The following MAGOH variants were observed in gnomAD, a reference collection of about 807,000 sequenced individuals.
MAGOH encodes the protein protein mago nashi homolog.
Under a neutral mutation model 20.9 loss-of-function variants are expected in MAGOH, and 3 were observed. That is an observed-to-expected ratio of 0.14 (90% CI 0.07 to 0.37). The LOEUF is 0.37. MAGOH is among the 10% of genes least tolerant of loss of function. MAGOH has a pLI of 1.00. For synonymous variants in MAGOH, 51 were observed against 61.0 expected, an observed-to-expected ratio of 0.84 and a Z score of 0.76; for missense variants, 66 against 178.1, an observed-to-expected ratio of 0.37 and a Z score of 3.58.
chr1:53,237,778 G>T (rs1257180788), intron 1 of MAGOH, among the ~76,000 whole-genome samples: 2 of 149,648 alleles, frequency 1.3e-5, no homozygotes, highest in African/African-American at 2.5e-5. Context: ...ATCATCTCCT[G>T]CTATCTCCCA....
At chr1:53,232,551 T>C (rs76569730) in intron 3 of MAGOH, among the ~76,000 whole-genome samples, 19,932 of 152,270 alleles carry the variant, frequency 0.13, 1,490 homozygotes, top group South Asian at 0.22. Context: ...GAAGTGACTT[T>C]TGAAGACCTC....
intron 3 of MAGOH, among the ~76,000 whole-genome samples, chr1:53,232,219 A>T (rs1000467881): frequency 1.3e-5 from 2 of 152,218 alleles, no homozygotes; most frequent in African/African-American, 4.8e-5. Context: ...TTTTAAAAAA[A>T]ACTCTTCAAG....
In MAGOH at chr1:53,235,476, GTTCT is replaced by G. The variant is rs1489718317; in HGVS notation, c.147+97_147+100del. 8 of 994,558 alleles carry G rather than the reference GTTCT, an allele frequency of 8.0e-6. No individual in the cohort carries two copies. The African/African-American group carries it at 1.1e-4, about 14-fold the overall frequency. The allele number at this position is 994,558 out of a possible 1,614,324, so 61.6% of individuals were successfully genotyped here. ...TCTACAGACATGTGTCTCTCTCCCT[GTTCT>G]TTATCTTTCAATACTACTAGAAACA... is the stretch of plus-strand genomic sequence containing the variant. On this transcript the variant is annotated intron_variant, in intron 2 of 4. Transcript: ENST00000371470.
At chr1:53,235,504 C>A in intron 2 of MAGOH, 73 bp downstream of exon 2, 1 of 1,284,898 alleles carries the variant, frequency 7.8e-7, no homozygotes, top group Non-Finnish European at 1.1e-6. Context: ...CTACTAGAAA[C>A]AATAAAAACA....
chr1:53,238,034 C>CT (rs1406871278), intron 1 of MAGOH, among the ~76,000 whole-genome samples: 4 of 152,210 alleles, frequency 2.6e-5, no homozygotes, highest in African/African-American at 9.6e-5. Flanking sequence ...TGACCACTCA[C>CT]TGCTATCTGG....
intron 2 of MAGOH, 33 bp from the exon 3 acceptor site, chr1:53,233,685 G>C: frequency 7.3e-7 from 1 of 1,369,982 alleles, no homozygotes; most frequent in South Asian, 1.2e-5. Context: ...AATGTATGTT[G>C]TATCCTTAAG....
chr1:53,237,441 G>A (rs1645617662), intron 1 of MAGOH, among the ~76,000 whole-genome samples: 1 of 150,522 alleles, frequency 6.6e-6, no homozygotes, highest in Non-Finnish European at 1.5e-5. Context: ...TTGGGACGCC[G>A]AGGCGGGCGT....
At position 53,227,858 on chromosome 1, in the gene MAGOH, T is replaced by A. The variant is rs74858199; in HGVS notation, c.342-714A>T. On this transcript the variant is annotated intron_variant, in intron 4 of 4. Coordinates refer to ENST00000371470, the MANE Select transcript of MAGOH (RefSeq NM_002370.4). ...CCGGCCCGAGTTAGGAAAACTTTTTTAAAAAGTAGTAGTACTAAGCAGGAC... is the reference window on the plus strand; with the variant it reads ...CCGGCCCGAGTTAGGAAAACTTTTTAAAAAAGTAGTAGTACTAAGCAGGAC... Among the ~76,000 whole-genome samples, 432 of 152,146 alleles carry A rather than the reference T, an allele frequency of 2.8e-3. 1 individual carries two copies. The highest frequency in any genetic ancestry group is 9.9e-3 in the African/African-American group (413 of 41,510).
At chr1:53,234,500 A>G (rs923942762) in intron 2 of MAGOH, among the ~76,000 whole-genome samples, 3 of 151,324 alleles carry the variant, frequency 2.0e-5, no homozygotes, top group Non-Finnish European at 2.9e-5. Context: ...CAGCCTCCTA[A>G]GTAGCTGGGA....
chr1:53,234,858 T>C (rs1326704102), intron 2 of MAGOH, among the ~76,000 whole-genome samples: 1 of 152,048 alleles, frequency 6.6e-6, no homozygotes, highest in Admixed American at 6.5e-5. Context: ...AAGGAAAGAG[T>C]AGCTTTGATG....
chr1:53,229,356 G>A (rs1314928282), intron 3 of MAGOH, among the ~76,000 whole-genome samples: 4 of 151,964 alleles, frequency 2.6e-5, no homozygotes, highest in African/African-American at 4.8e-5. Flanking sequence ...CCGCCACCAC[G>A]CCCGGCTAAT....
At chr1:53,235,459 C>T (rs1352134200) in intron 2 of MAGOH, 118 bp downstream of exon 2, 3 of 826,298 alleles carry the variant, frequency 3.6e-6, no homozygotes, top group Non-Finnish European at 6.0e-6. Flanking sequence ...TGTCTACAGA[C>T]ATGTGTCTCT....
Position 53,227,036 on chromosome 1 carries a change from A to G in MAGOH, c.*9T>C, listed in dbSNP as rs750545788. On this transcript the variant is annotated 3_prime_UTR_variant, in exon 5 of 5. Coordinates refer to ENST00000371470, the MANE Select transcript of MAGOH (RefSeq NM_002370.4). ...CCACCCACCCCCCATGTCCACACCAATATTCAGTCTAGATTGGTTTAATCT... is the reference window on the plus strand; with the variant it reads ...CCACCCACCCCCCATGTCCACACCAGTATTCAGTCTAGATTGGTTTAATCT... 11 of 1,404,550 alleles carry G rather than the reference A, an allele frequency of 7.8e-6. No homozygotes were observed. The South Asian group carries it at 1.4e-4, about 18-fold the overall frequency. 87.0% of individuals were successfully genotyped at this position (1,404,550 alleles called of 1,614,324 possible). A position where few individuals can be genotyped will look rare whatever the true frequency, so the allele number is the denominator to read the frequency against.
intron 2 of MAGOH, among the ~76,000 whole-genome samples, chr1:53,234,213 C>T (rs974627326): frequency 6.6e-6 from 1 of 152,160 alleles, no homozygotes; most frequent in African/African-American, 2.4e-5. Flanking sequence ...GAAGCAGAGA[C>T]TGGGCCCTCA....
intron 3 of MAGOH, among the ~76,000 whole-genome samples, chr1:53,229,257 G>A (rs1343821662): frequency 6.6e-6 from 1 of 150,666 alleles, no homozygotes; most frequent in Non-Finnish European, 1.5e-5. Context: ...GGAGTGCACT[G>A]GCATGATCTC....
intron 4 of MAGOH, among the ~76,000 whole-genome samples, chr1:53,228,044 T>C (rs539180891): frequency 1.3e-5 from 2 of 152,184 alleles, no homozygotes; most frequent in South Asian, 2.1e-4. Context: ...TTGTAGCACA[T>C]AGGTTCATGC....
chr1:53,230,692 A>C (rs1645582177), intron 3 of MAGOH, among the ~76,000 whole-genome samples: 1 of 151,992 alleles, frequency 6.6e-6, no homozygotes, highest in South Asian at 2.1e-4. Flanking sequence ...CCTCCCAATT[A>C]AGAACAAAAG....
intron 3 of MAGOH, among the ~76,000 whole-genome samples, chr1:53,229,451 G>A (rs1645575743): frequency 1.3e-5 from 2 of 152,072 alleles, no homozygotes; most frequent in South Asian, 4.2e-4. Flanking sequence ...ACAGGGTTTC[G>A]CCATGTTGGC....
intron 3 of MAGOH, among the ~76,000 whole-genome samples, chr1:53,229,360 G>A (rs921364072): frequency 2.0e-5 from 3 of 152,046 alleles, no homozygotes; most frequent in Non-Finnish European, 4.4e-5. Flanking sequence ...CACCACGCCC[G>A]GCTAATTTTT....
Sources: allele counts gnomAD v4.1 joint callset (sites outside exome capture counted in the v4.1 genomes callset), GRCh38; gene constraint gnomAD v4.1.1; transcripts MANE v1.5; gene names NCBI Gene and HGNC (gene_info 2026-07-23, HGNC 2026-07-21).